The following MAP3K4 variants were observed in gnomAD, a reference collection of about 807,000 sequenced individuals.
MAP3K4 encodes the protein mitogen-activated protein kinase kinase kinase 4, also known as MAP three kinase 1.
A neutral mutation model predicts 185.6 loss-of-function variants in MAP3K4; 67 were observed. That is an observed-to-expected ratio of 0.36 (90% CI 0.30 to 0.44). The LOEUF (loss-of-function observed/expected upper bound fraction) is 0.44, where lower values mean the gene tolerates loss of function less well. Among genes scored for constraint, MAP3K4 ranks in the 20% least tolerant of loss-of-function variants. The pLI, the probability that MAP3K4 is intolerant of heterozygous loss-of-function variation, is 1.00. For missense variants in MAP3K4, 1,551 were observed against 1,995.1 expected (o/e 0.78, Z 4.24); for synonymous variants, 702 against 710.4 (o/e 0.99, Z 0.19).
chr6:161,053,957 G>A lies in MAP3K4; in HGVS notation c.1707+3978G>A, dbSNP rs1784122766. 6.6e-6 allele frequency among the ~76,000 whole-genome samples: 1 copy of A among 152,120 alleles called. No homozygotes were observed. ...CAAGGTACCACAGATTGTACATAAT[G>A]CATATTTTGCAGTTTTTGTGGTTTC... On this transcript the variant is annotated intron_variant, in intron 3 of 26. Transcript: ENST00000392142. The surrounding 1 kb of genome is among the most constrained non-coding windows in gnomAD (Gnocchi z 4.2).
At chr6:161,005,809 A>G (rs557620438) in intron 1 of MAP3K4, among the ~76,000 whole-genome samples, 7 of 152,170 alleles carry the variant, frequency 4.6e-5, no homozygotes, top group Non-Finnish European at 8.8e-5. Context: ...GTTTTTTGAG[A>G]CAGAGTCTTG....
chr6:161,033,531 A>G (rs917316211), intron 1 of MAP3K4, among the ~76,000 whole-genome samples: 6 of 87,608 alleles, frequency 6.8e-5, no homozygotes, highest in African/African-American at 2.8e-4. Flanking sequence ...CCTCTTTTAC[A>G]TCATCCTTCT....
rs1329785086 is a variant in MAP3K4 at position 161,088,673 on chromosome 6, G to T, written c.2824-649G>T. On this transcript the variant is annotated intron_variant, in intron 10 of 26. Coordinates refer to ENST00000392142, the MANE Select transcript of MAP3K4 (RefSeq NM_005922.4). This position sits in a 1 kb window ranked among gnomAD's most constrained non-coding sequence, Gnocchi z 4.5. ...AAAGCCAGAAGCATTTCCAGTAAAT[G>T]ATCCTTTCCCTGCATCCCCAGAGCA... Among the ~76,000 whole-genome samples the T allele has an allele frequency of 6.6e-6, 1 of 152,122 alleles. No homozygotes were observed. Among genetic ancestry groups the T allele is most frequent in the Non-Finnish European group, 1.5e-5 (1 of 68,028 alleles).
intron 1 of MAP3K4, among the ~76,000 whole-genome samples, chr6:161,024,579 G>A (rs1267150698): frequency 6.6e-6 from 1 of 152,174 alleles, no homozygotes; most frequent in Non-Finnish European, 1.5e-5. Context: ...GTTTTGAGAA[G>A]TAATGATTAG....
Position 161,087,850 on chromosome 6 carries a change from G to A in MAP3K4, c.2719G>A (p.Gly907Ser), listed in dbSNP as rs747018394. 6.8e-6 allele frequency: 11 copies of A among 1,614,030 alleles called. No individual in the cohort carries two copies. Among genetic ancestry groups the A allele is most frequent in the East Asian group, 4.5e-5 (2 of 44,884 alleles). Residue 907 changes from glycine to serine, a missense_variant, in exon 10 of 27, where the codon GGT becomes AGT. By Grantham distance (56) the Gly-to-Ser change is moderately conservative. Transcript: ENST00000392142. The surrounding 1 kb of genome is among the most constrained non-coding windows in gnomAD (Gnocchi z 4.9). ...IDAYLLLTKH[G>S]DRARDSEDSW... ...TGCCTATCTGCTTCTGACCAAGCAC[G>A]GTGATCGAGCCCGTGATTCAGAGGA...
In MAP3K4 at chr6:160,996,599, C is replaced by T. The variant is rs1781006952; in HGVS notation, c.152+4516C>T. 1.3e-5 allele frequency among the ~76,000 whole-genome samples: 2 copies of T among 152,082 alleles called. No homozygotes were observed. Among genetic ancestry groups the T allele is most frequent in the South Asian group, 4.1e-4 (2 of 4,820 alleles). The stretch of plus-strand genomic sequence containing the variant: ...GCTGTTTGAAGACTCTTTAACGTTG[C>T]CTATCAGTAGGCTACTGGTAGTGGT... On this transcript the variant is annotated intron_variant, in intron 1 of 26. Transcript: ENST00000392142. This position sits in a 1 kb window ranked among gnomAD's most constrained non-coding sequence, Gnocchi z 4.5.
intron 3 of MAP3K4, among the ~76,000 whole-genome samples, chr6:161,055,595 A>G (rs1784194868): frequency 6.6e-6 from 1 of 152,156 alleles, no homozygotes. Context: ...CACTTTTTCT[A>G]ATAATTCCCT....
At chr6:161,055,850 A>G (rs1784210983) in intron 3 of MAP3K4, among the ~76,000 whole-genome samples, 2 of 152,138 alleles carry the variant, frequency 1.3e-5, no homozygotes, top group African/African-American at 4.8e-5. Context: ...CCATACTCCA[A>G]TTCTTTGGAA....
intron 1 of MAP3K4, among the ~76,000 whole-genome samples, chr6:161,027,689 C>T (rs1394864869): frequency 6.6e-6 from 1 of 152,166 alleles, no homozygotes; most frequent in Non-Finnish European, 1.5e-5. Flanking sequence ...GATTAAAACC[C>T]ACTCATGGGT....
At position 161,107,978 on chromosome 6, in the gene MAP3K4, C is replaced by G. The variant is rs752470675; in HGVS notation, c.4119+9C>G. On this transcript the variant is annotated intron_variant, in intron 21 of 26. Coordinates refer to ENST00000392142, the MANE Select transcript of MAP3K4 (RefSeq NM_005922.4). This position sits in a 1 kb window ranked among gnomAD's most constrained non-coding sequence, Gnocchi z 6.2. Reference sequence around the variant, plus strand: ...TGATGGCCATGAAAGAGGTGAGTCACCTGGCTCCGTGGGGCCTTTGGGCCT... The same window carrying G: ...TGATGGCCATGAAAGAGGTGAGTCAGCTGGCTCCGTGGGGCCTTTGGGCCT... 49 of 1,613,396 alleles carry G rather than the reference C, an allele frequency of 3.0e-5. No homozygotes were observed. The highest frequency in any genetic ancestry group is 4.0e-5 in the Non-Finnish European group (47 of 1,179,922).
At position 161,103,927 on chromosome 6, in the gene MAP3K4, A is replaced by G. The variant is rs1366326277; in HGVS notation, c.3856+1148A>G. Among the ~76,000 whole-genome samples the G allele has an allele frequency of 2.6e-5, 4 of 152,198 alleles. No individual in the cohort carries two copies. The highest frequency in any genetic ancestry group is 2.0e-4 in the Admixed American group (3 of 15,282). The stretch of plus-strand genomic sequence containing the variant: ...AGAGTAGGTGTGTGTTGAGGGTTCA[A>G]GTGGGGGAGTTTTCCTAGGCTTGAG... On this transcript the variant is annotated intron_variant, in intron 19 of 26. Coordinates refer to ENST00000392142, the MANE Select transcript of MAP3K4 (RefSeq NM_005922.4). The surrounding 1 kb of genome is among the most constrained non-coding windows in gnomAD (Gnocchi z 4.6).
rs1179206841 is a variant in MAP3K4, at chr6:161,098,609, T to G, written c.3674+182T>G. 6.6e-6 allele frequency among the ~76,000 whole-genome samples: 1 copy of G among 152,206 alleles called. No homozygotes were observed. Among genetic ancestry groups the G allele is most frequent in the Non-Finnish European group, 1.5e-5 (1 of 68,044 alleles). On this transcript the variant is annotated intron_variant, in intron 17 of 26. Coordinates refer to ENST00000392142, the MANE Select transcript of MAP3K4 (RefSeq NM_005922.4). The surrounding 1 kb of genome is among the most constrained non-coding windows in gnomAD (Gnocchi z 4.4). Reference sequence around the variant, plus strand: ...AGGCTCTGGCACTGACCAACACGAATGGATAACTGTCTGATGTCAGTATTT... The same window carrying G: ...AGGCTCTGGCACTGACCAACACGAAGGGATAACTGTCTGATGTCAGTATTT...
Position 161,049,623 on chromosome 6 carries a change from T to G in MAP3K4, c.1351T>G (p.Leu451Val). 6.2e-7 allele frequency: 1 copy of G among 1,613,988 alleles called. No homozygotes were observed. Among genetic ancestry groups the G allele is most frequent in the East Asian group, 2.2e-5 (1 of 44,866 alleles). Reference sequence around the variant, plus strand: ...TGAGGGTGATGACACAGAAGGAGAATTAAAGGAGTTGGAAAGTAGTACGGA... The same window carrying G: ...TGAGGGTGATGACACAGAAGGAGAAGTAAAGGAGTTGGAAAGTAGTACGGA... ...EYEGDDTEGE[L>V]KELESSTDES... Residue 451 changes from leucine (L) to valine (V), a missense_variant, in exon 3 of 27, where the codon TTA becomes GTA. Around this residue, in one of 16 missense-constraint regions of MAP3K4, gnomAD observed 126 missense variants for 112.8 expected, o/e 1.12. Transcript: ENST00000392142. This position sits in a 1 kb window ranked among gnomAD's most constrained non-coding sequence, Gnocchi z 8.4.
Position 161,102,725 on chromosome 6 carries a change from A to G in MAP3K4, c.3802A>G (p.Ser1268Gly), listed in dbSNP as rs756646988. Residue 1268 changes from serine (S) to glycine (G), a missense_variant, in exon 19 of 27, where the codon AGT becomes GGT. By Grantham distance (56) the Ser-to-Gly change is moderately conservative (BLOSUM62 0). Transcript: ENST00000392142. ...ACCAGCATATCCAAGAGGAGATTCA[A>G]GTGGGTCCACAAGAAGAAGTTGGGA... ...DEPAYPRGDS[S>G]GSTRRSWELR... The G allele has an allele frequency of 1.5e-5, 24 of 1,601,730 alleles. No individual in the cohort carries two copies. The highest frequency in any genetic ancestry group is 3.5e-5 in the Admixed American group (2 of 57,074).
rs1239237321 is a variant in MAP3K4 at position 161,091,490 on chromosome 6, C to T, written c.3085C>T (p.Gln1029Ter). The change falls in exon 12 of 27, where the codon CAA becomes TAA. Residue 1029 changes from glutamine (Q) to a stop codon, truncating the protein, a stop_gained. Transcript: ENST00000392142. LOFTEE classifies it high-confidence loss of function. This position sits in a 1 kb window ranked among gnomAD's most constrained non-coding sequence, Gnocchi z 5.5. Reference protein sequence around the residue: ...EVDESESVTLQQYYREAMIQG... With the variant: ...EVDESESVTL ...TGATGAATCTGAATCTGTCACCTTG[C>T]AACAGTACTACCGAGAAGCAATGAT... 1 of 1,613,836 alleles carries T rather than the reference C, an allele frequency of 6.2e-7. No individual in the cohort carries two copies. Among genetic ancestry groups the T allele is most frequent in the African/African-American group, 1.3e-5 (1 of 74,888 alleles).
rs1784164454 is a variant in MAP3K4 at position 161,054,820 on chromosome 6, A to G, written c.1707+4841A>G. ...TATTTAAATCCATGTAACTGAACTA[A>G]TAATACCAGCTGCAGTTTTATCCTG... On this transcript the variant is annotated intron_variant, in intron 3 of 26. Transcript: ENST00000392142. This position sits in a 1 kb window ranked among gnomAD's most constrained non-coding sequence, Gnocchi z 4.2. 1.3e-5 allele frequency among the ~76,000 whole-genome samples: 2 copies of G among 152,252 alleles called. No individual in the cohort carries two copies. Among genetic ancestry groups the G allele is most frequent in the African/African-American group, 2.4e-5 (1 of 41,474 alleles).
In MAP3K4 at chr6:161,103,665, G is replaced by A. The variant is rs1449213596; in HGVS notation, c.3856+886G>A. Among the ~76,000 whole-genome samples, 1 of 152,216 alleles carries A rather than the reference G, an allele frequency of 6.6e-6. No homozygotes were observed. Among genetic ancestry groups the A allele is most frequent in the Non-Finnish European group, 1.5e-5 (1 of 68,036 alleles). ...ATGAAGGCTTTGCCCAGAGGTGGTG[G>A]GCAGCCCCAGAGGCTCTTGAGCAGC... On this transcript the variant is annotated intron_variant, in intron 19 of 26. Transcript: ENST00000392142. This position sits in a 1 kb window ranked among gnomAD's most constrained non-coding sequence, Gnocchi z 4.6.
rs970009357 is a variant in MAP3K4, at chr6:161,100,990, A to G, written c.3675-902A>G. On this transcript the variant is annotated intron_variant, in intron 17 of 26. Transcript: ENST00000392142. This position sits in a 1 kb window ranked among gnomAD's most constrained non-coding sequence, Gnocchi z 5.8. ...TTTATAATTTGTAAATGTCTGTGCA[A>G]TAGATCATGTTGCCTTCAACCTATC... The G allele has an allele frequency of 6.6e-6, 1 of 152,234 alleles. No individual in the cohort carries two copies. The highest frequency in any genetic ancestry group is 2.4e-5 in the African/African-American group (1 of 41,456). The allele number at this position is 152,234 out of a possible 1,614,324, so 9.4% of individuals were successfully genotyped here.
Position 161,088,923 on chromosome 6 carries a change from A to G in MAP3K4, c.2824-399A>G, listed in dbSNP as rs1285918473. On this transcript the variant is annotated intron_variant, in intron 10 of 26. Coordinates refer to ENST00000392142, the MANE Select transcript of MAP3K4 (RefSeq NM_005922.4). The surrounding 1 kb of genome is among the most constrained non-coding windows in gnomAD (Gnocchi z 4.5). ...AAAGTAATAAAGTCTTGATTTCTTA[A>G]TGTTTTATATAAGGCCCCTCATCTT... Among the ~76,000 whole-genome samples the G allele has an allele frequency of 6.6e-6, 1 of 152,152 alleles. No individual in the cohort carries two copies. Among genetic ancestry groups the G allele is most frequent in the African/African-American group, 2.4e-5 (1 of 41,428 alleles).
Sources: allele counts gnomAD v4.1 joint callset (sites outside exome capture counted in the v4.1 genomes callset), GRCh38; gene constraint gnomAD v4.1.1; regional missense constraint gnomAD v4.1.1; non-coding constraint Gnocchi (gnomAD v3.1); transcripts MANE v1.5; gene names NCBI Gene and HGNC (gene_info 2026-07-23, HGNC 2026-07-21).